PABPC4L: variants seen among roughly 807,000 people sequenced by gnomAD.
The protein encoded by PABPC4L is polyadenylate-binding protein 4-like.
For synonymous variants in PABPC4L, 169 were observed against 164.1 expected, an observed-to-expected ratio of 1.03 and a Z score of -0.23; for missense variants, 452 against 451.4, an observed-to-expected ratio of 1.00 and a Z score of -0.01.
At chr4:134,156,053 AC>A in the PABPC4L span, among the ~76,000 whole-genome samples, 1 of 151,984 alleles carries the variant, frequency 6.6e-6, no homozygotes, top group South Asian at 2.1e-4. Flanking sequence ...AACTTAAGTA[AC>A]ATTTGTAAAG....
the PABPC4L span, among the ~76,000 whole-genome samples, chr4:134,084,494 T>A: frequency 6.6e-6 from 1 of 151,386 alleles, no homozygotes; most frequent in Non-Finnish European, 1.5e-5. Context: ...ATTGATGGAT[T>A]TTTTTTTAAA....
the PABPC4L span, among the ~76,000 whole-genome samples, chr4:134,084,855 C>A: frequency 2.0e-5 from 3 of 152,114 alleles, no homozygotes; most frequent in Non-Finnish European, 4.4e-5. Context: ...AGAATCTCAT[C>A]ACAAGACAGG....
chr4:134,026,626 C>A, the PABPC4L span, among the ~76,000 whole-genome samples: 6 of 152,154 alleles, frequency 3.9e-5, no homozygotes, highest in Middle Eastern at 0.014. Context: ...TGTGTCCCCC[C>A]CCAAAATTCA....
the PABPC4L span, among the ~76,000 whole-genome samples, chr4:134,016,314 C>T: frequency 6.6e-6 from 1 of 152,084 alleles, no homozygotes; most frequent in Middle Eastern, 3.2e-3. Flanking sequence ...CTTCCATATC[C>T]TGCACCATCA....
At chr4:134,136,030 G>A in the PABPC4L span, among the ~76,000 whole-genome samples, 13 of 151,980 alleles carry the variant, frequency 8.6e-5, no homozygotes, top group African/African-American at 3.1e-4. Context: ...AAAGTATGAG[G>A]ATAAAAGGGA....
the PABPC4L span, among the ~76,000 whole-genome samples, chr4:134,087,143 C>A: frequency 1.8e-4 from 27 of 151,986 alleles, no homozygotes; most frequent in South Asian, 1.5e-3. Flanking sequence ...ATGTTTATTG[C>A]GGCATTATTC....
At chr4:133,988,066 G>GGTAA in the PABPC4L span, among the ~76,000 whole-genome samples, 1 of 152,092 alleles carries the variant, frequency 6.6e-6, no homozygotes, top group Non-Finnish European at 1.5e-5. Flanking sequence ...ATAGCATGGA[G>GGTAA]GTAACTACCT....
chr4:134,134,228 C>A, the PABPC4L span, among the ~76,000 whole-genome samples: 1 of 151,974 alleles, frequency 6.6e-6, no homozygotes, highest in Non-Finnish European at 1.5e-5. Flanking sequence ...AAAATTCATT[C>A]TTAGCTGTTG....
the PABPC4L span, among the ~76,000 whole-genome samples, chr4:134,113,984 G>T: frequency 6.6e-6 from 1 of 151,810 alleles, no homozygotes; most frequent in African/African-American, 2.4e-5. Flanking sequence ...TTTAAATCTG[G>T]GTGTTATGAT....
the PABPC4L span, among the ~76,000 whole-genome samples, chr4:134,076,266 T>A: frequency 6.6e-6 from 1 of 151,990 alleles, no homozygotes; most frequent in Admixed American, 6.6e-5. Context: ...AACAGATGAG[T>A]TTAGAAGAGA....
At chr4:133,964,139 A>G in the PABPC4L span, among the ~76,000 whole-genome samples, 1 of 152,272 alleles carries the variant, frequency 6.6e-6, no homozygotes, top group East Asian at 1.9e-4. Context: ...AATGGGAGAT[A>G]TTACAACTGA....
At chr4:133,957,009 C>T in the PABPC4L span, among the ~76,000 whole-genome samples, 4,424 of 152,160 alleles carry the variant, frequency 0.029, 216 homozygotes, top group African/African-American at 0.1. Flanking sequence ...CACAATCAAA[C>T]CATATCATTC....
At chr4:133,956,139 A>T in the PABPC4L span, among the ~76,000 whole-genome samples, 1 of 152,154 alleles carries the variant, frequency 6.6e-6, no homozygotes, top group Admixed American at 6.5e-5. Context: ...AAACAAATTT[A>T]AATTAATTTT....
the PABPC4L span, among the ~76,000 whole-genome samples, chr4:134,119,654 C>A: frequency 3.5e-4 from 53 of 151,666 alleles, no homozygotes; most frequent in Admixed American, 1.7e-3. Context: ...TGCAAACACA[C>A]CTGGTAGGTG....
At chr4:134,196,158 A>G (rs1470546755), downstream of PABPC4L, among the ~76,000 whole-genome samples, 1 of 151,488 alleles carries the variant, frequency 6.6e-6, no homozygotes, top group Non-Finnish European at 1.5e-5. Context: ...CTGTGAGTTC[A>G]TAATTATGAG....
At chr4:134,074,193 C>T in the PABPC4L span, among the ~76,000 whole-genome samples, 5 of 152,172 alleles carry the variant, frequency 3.3e-5, no homozygotes, top group African/African-American at 1.2e-4. Flanking sequence ...TTAGAAATTT[C>T]TTCTGCTGGA....
At chr4:134,096,186 G>T in the PABPC4L span, among the ~76,000 whole-genome samples, 1 of 151,818 alleles carries the variant, frequency 6.6e-6, no homozygotes, top group South Asian at 2.1e-4. Context: ...ATTCTGGGTT[G>T]CAAAGAAAAT....
At chr4:133,980,731 A>T in the PABPC4L span, among the ~76,000 whole-genome samples, 1 of 152,104 alleles carries the variant, frequency 6.6e-6, no homozygotes, top group Non-Finnish European at 1.5e-5. Flanking sequence ...TTGTTATGAA[A>T]TTTTCCACTC....
the PABPC4L span, among the ~76,000 whole-genome samples, chr4:134,093,512 G>A: frequency 4.7e-5 from 7 of 149,140 alleles, no homozygotes; most frequent in Admixed American, 2.0e-4. Flanking sequence ...TATAGTCTTC[G>A]TAGTGATACA....
Sources: allele counts gnomAD v4.1 joint callset (sites outside exome capture counted in the v4.1 genomes callset), GRCh38; gene constraint gnomAD v4.1.1; transcripts MANE v1.5; gene names NCBI Gene and HGNC (gene_info 2026-07-23, HGNC 2026-07-21).